Variants in GABPB1 observed in about 807,000 individuals in gnomAD.
GABPB1 encodes GA-binding protein subunit beta-1.
GABPB1 carries 15 observed loss-of-function variants against 45.9 expected under a neutral mutation model. The observed-to-expected ratio is 0.33, with a 90% CI of 0.22 to 0.50. The LOEUF (loss-of-function observed/expected upper bound fraction) is 0.50. Ranked by LOEUF, GABPB1 falls within the 20% of genes least tolerant of loss-of-function variation. The probability of loss-of-function intolerance (pLI) is 0.98; values close to 1 mark genes in which losing one functional copy is unlikely to be tolerated. For synonymous variants in GABPB1, 143 were observed against 154.4 expected, an observed-to-expected ratio of 0.93 and a Z score of 0.55; for missense variants, 252 against 457.5, an observed-to-expected ratio of 0.55 and a Z score of 4.10.
chr15:50,278,448 A>C lies in GABPB1; in HGVS notation c.*184T>G, dbSNP rs2045882520. On this transcript the variant is annotated 3_prime_UTR_variant, in exon 9 of 9. Coordinates refer to ENST00000380877, the MANE Select transcript of GABPB1 (RefSeq NM_016654.5). ...ATTTACAGAATTCAGTTTTAAATACATTTCACAACTTCTAAAGTAAAGTTT... is the reference window on the plus strand; with the variant it reads ...ATTTACAGAATTCAGTTTTAAATACCTTTCACAACTTCTAAAGTAAAGTTT... 2.4e-6 allele frequency: 1 copy of C among 411,918 alleles called. No individual in the cohort carries two copies. The highest frequency in any genetic ancestry group is 4.2e-6 in the Non-Finnish European group (1 of 236,850). The allele number at this position is 411,918 out of a possible 1,614,324, so 25.5% of individuals were successfully genotyped here.
At chr15:50,291,351 C>T (rs1404327860) in intron 6 of GABPB1, among the ~76,000 whole-genome samples, 1 of 151,576 alleles carries the variant, frequency 6.6e-6, no homozygotes, top group Non-Finnish European at 1.5e-5. Context: ...CGAAATCTCA[C>T]TCTGTCACCC....
intron 1 of GABPB1, among the ~76,000 whole-genome samples, chr15:50,319,899 A>G (rs2047497564): frequency 6.6e-6 from 1 of 152,162 alleles, no homozygotes; most frequent in African/African-American, 2.4e-5. Flanking sequence ...TGTACATAAG[A>G]ATTATACAGT....
chr15:50,318,276 G>A (rs1001188401), intron 1 of GABPB1, among the ~76,000 whole-genome samples: 1 of 152,138 alleles, frequency 6.6e-6, no homozygotes, highest in Non-Finnish European at 1.5e-5. Context: ...CTAGGAATCT[G>A]CTGGGATATA....
intron 1 of GABPB1, chr15:50,351,325 C>CT (rs2048814759): frequency 6.6e-6 from 1 of 152,324 alleles, no homozygotes. Context: ...GCCTATAATC[C>CT]CAACACTTGG....
chr15:50,301,725 C>A (rs2046754773), intron 4 of GABPB1, among the ~76,000 whole-genome samples: 1 of 151,948 alleles, frequency 6.6e-6, no homozygotes, highest in Non-Finnish European at 1.5e-5. Context: ...CCCAGGAGTT[C>A]AAGACCAGCA....
rs891939010 is a variant in GABPB1, at chr15:50,278,537, A to G, written c.*95T>C. The G allele has an allele frequency of 7.5e-6, 7 of 937,788 alleles. No individual in the cohort carries two copies. Among genetic ancestry groups the G allele is most frequent in the Non-Finnish European group, 7.7e-6 (5 of 647,626 alleles). 58.1% of individuals were successfully genotyped at this position (937,788 alleles called of 1,614,324 possible). On this transcript the variant is annotated 3_prime_UTR_variant, in exon 9 of 9. Transcript: ENST00000380877. The stretch of plus-strand genomic sequence containing the variant: ...TTATCCATCTGTAGTCTCTTCTATC[A>G]TTCTGTATTCCCATGGCTGTACCTT...
chr15:50,292,077 G>A (rs553005965), intron 6 of GABPB1, among the ~76,000 whole-genome samples: 15 of 151,412 alleles, frequency 9.9e-5, no homozygotes, highest in African/African-American at 3.1e-4. Flanking sequence ...GCTCATGCCT[G>A]TAATCCCAGC....
chr15:50,301,586 G>C (rs1206029925), intron 4 of GABPB1, among the ~76,000 whole-genome samples: 3 of 152,130 alleles, frequency 2.0e-5, no homozygotes, highest in Non-Finnish European at 4.4e-5. Context: ...GCAAAATCCT[G>C]GGAGAGGAGA....
chr15:50,303,217 A>G (rs2046819434), intron 3 of GABPB1, 94 bp from the exon 4 acceptor site: 6 of 952,000 alleles, frequency 6.3e-6, no homozygotes, highest in Non-Finnish European at 9.4e-6. Context: ...TAAAGCAAGA[A>G]CAAATAATGT....
intron 5 of GABPB1, 123 bp downstream of exon 5, chr15:50,301,134 C>T: frequency 1.5e-6 from 2 of 1,344,306 alleles, no homozygotes; most frequent in Admixed American, 2.2e-5. Flanking sequence ...AGAATCTTAC[C>T]CTCATTCTCC....
intron 1 of GABPB1, among the ~76,000 whole-genome samples, chr15:50,344,742 G>T (rs1221228208): frequency 6.6e-6 from 1 of 152,078 alleles, no homozygotes; most frequent in Non-Finnish European, 1.5e-5. Context: ...GGAGGCTGAG[G>T]CAGGACAATC....
chr15:50,299,296 G>T (rs559415411), intron 6 of GABPB1, among the ~76,000 whole-genome samples: 1 of 152,090 alleles, frequency 6.6e-6, no homozygotes, highest in African/African-American at 2.4e-5. Context: ...AAATTTTACC[G>T]ACATAATAAT....
At chr15:50,336,196 C>T (rs1426415589) in intron 1 of GABPB1, among the ~76,000 whole-genome samples, 5 of 151,078 alleles carry the variant, frequency 3.3e-5, no homozygotes, top group Admixed American at 3.3e-4. Flanking sequence ...ATTAAAATAA[C>T]ACAAAAATTA....
At chr15:50,289,014 A>C (rs1375336932) in intron 7 of GABPB1, among the ~76,000 whole-genome samples, 1 of 152,066 alleles carries the variant, frequency 6.6e-6, no homozygotes, top group African/African-American at 2.4e-5. Context: ...TTTTTTAGAC[A>C]TGGGGTCTCA....
At chr15:50,321,343 T>G (rs1296486745) in intron 1 of GABPB1, among the ~76,000 whole-genome samples, 1 of 152,154 alleles carries the variant, frequency 6.6e-6, no homozygotes, top group Admixed American at 6.5e-5. Flanking sequence ...AGAGAGAACC[T>G]TGATCTCAGA....
At chr15:50,319,416 A>C (rs772987715) in intron 1 of GABPB1, among the ~76,000 whole-genome samples, 13 of 152,166 alleles carry the variant, frequency 8.5e-5, no homozygotes, top group Non-Finnish European at 1.9e-4. Flanking sequence ...GGAATTTTTC[A>C]ACCCTTGCCC....
intron 1 of GABPB1, among the ~76,000 whole-genome samples, chr15:50,330,139 A>G (rs1203036012): frequency 6.6e-6 from 1 of 151,868 alleles, no homozygotes; most frequent in Admixed American, 6.6e-5. Context: ...CCGGGGCTCA[A>G]GCAATCCTCC....
chr15:50,297,340 G>A (rs946943245), intron 6 of GABPB1, among the ~76,000 whole-genome samples: 1 of 151,754 alleles, frequency 6.6e-6, no homozygotes. Flanking sequence ...AGCCTCCCCA[G>A]TAGCTGGGAT....
chr15:50,285,763 T>A, intron 8 of GABPB1: 1 of 1,101,936 alleles, frequency 9.1e-7, no homozygotes, highest in Non-Finnish European at 1.1e-6. Flanking sequence ...TTTCCTTTAG[T>A]GACGTGTAAG....
Sources: allele counts gnomAD v4.1 joint callset (sites outside exome capture counted in the v4.1 genomes callset), GRCh38; gene constraint gnomAD v4.1.1; transcripts MANE v1.5; gene names NCBI Gene and HGNC (gene_info 2026-07-23, HGNC 2026-07-21).